The following DLG2 variants were observed in gnomAD, a reference collection of about 807,000 sequenced individuals.
DLG2 encodes discs large MAGUK scaffold protein 2.
DLG2 carries 45 observed loss-of-function variants against 132.5 expected under a neutral mutation model. That is an observed-to-expected ratio of 0.34 (90% confidence interval 0.27 to 0.44). The LOEUF (loss-of-function observed/expected upper bound fraction) is 0.44, where lower values mean the gene tolerates loss of function less well. Among genes scored for constraint, DLG2 ranks in the 20% least tolerant of loss-of-function variants. The probability of loss-of-function intolerance (pLI) is 1.00; values close to 1 mark genes in which losing one functional copy is unlikely to be tolerated. For synonymous variants in DLG2, 424 were observed against 419.6 expected, an observed-to-expected ratio of 1.01 and a Z score of -0.13; for missense variants, 1,045 against 1,196.9, an observed-to-expected ratio of 0.87 and a Z score of 1.87.
intron 18 of DLG2, among the ~76,000 whole-genome samples, chr11:83,744,466 T>C (rs2092762102): frequency 6.6e-6 from 1 of 152,208 alleles, no homozygotes; most frequent in Non-Finnish European, 1.5e-5. Context: ...TTTTGGCAAA[T>C]CTGTGAACTC....
At chr11:85,185,659 T>A (rs1475725082) in intron 4 of DLG2, among the ~76,000 whole-genome samples, 1 of 151,808 alleles carries the variant, frequency 6.6e-6, no homozygotes, top group Admixed American at 6.6e-5. Context: ...AACTTTCCAC[T>A]GTCTACCCAT....
chr11:84,546,864 T>C, intron 6 of DLG2: 1 of 182,682 alleles, frequency 5.5e-6, no homozygotes, highest in Non-Finnish European at 1.2e-5. Context: ...GAAGATAGAC[T>C]TTAGTGATGA....
chr11:84,175,975 T>A (rs2095952397), intron 8 of DLG2, among the ~76,000 whole-genome samples: 1 of 152,138 alleles, frequency 6.6e-6, no homozygotes, highest in Admixed American at 6.6e-5. Context: ...AGGTTTAAAG[T>A]TGTTTATATC....
chr11:84,359,531 G>C (rs2098637542), intron 7 of DLG2, among the ~76,000 whole-genome samples: 1 of 151,852 alleles, frequency 6.6e-6, no homozygotes, highest in Non-Finnish European at 1.5e-5. Flanking sequence ...CTGGAATTTA[G>C]TTTTTCCAAG....
rs531256874 is a variant in DLG2, at chr11:84,818,421, C to T, written c.358-283690G>A. Among the ~76,000 whole-genome samples the T allele has an allele frequency of 7.9e-5, 12 of 151,906 alleles. No homozygotes were observed. In the South Asian group the frequency reaches 1.9e-3, roughly 24 times the overall value. ...TTCTCTCTTCTTCCCATAACTTTCCCATTTATTATTTATAAGCCTTAGGCT... is the reference window on the plus strand; with the variant it reads ...TTCTCTCTTCTTCCCATAACTTTCCTATTTATTATTTATAAGCCTTAGGCT... On this transcript the variant is annotated intron_variant, in intron 6 of 27. Transcript: ENST00000376104.
chr11:84,612,405 T>C (rs1307328749), intron 6 of DLG2, among the ~76,000 whole-genome samples: 1 of 152,168 alleles, frequency 6.6e-6, no homozygotes, highest in African/African-American at 2.4e-5. Flanking sequence ...GAAGTCGTCA[T>C]TGACTTATGT....
intron 14 of DLG2, among the ~76,000 whole-genome samples, chr11:83,953,087 T>TA (rs1173237059): frequency 1.3e-5 from 2 of 152,152 alleles, no homozygotes; most frequent in Non-Finnish European, 2.9e-5. Context: ...TACCTAGAAG[T>TA]AAAAAATGAA....
chr11:84,454,309 A>C (rs758358741), intron 7 of DLG2, among the ~76,000 whole-genome samples: 1 of 151,538 alleles, frequency 6.6e-6, no homozygotes, highest in Admixed American at 6.6e-5. Context: ...AGAAATAGAT[A>C]TATTCTTACT....
intron 19 of DLG2, among the ~76,000 whole-genome samples, chr11:83,594,619 G>C (rs1044727255): frequency 6.6e-6 from 1 of 152,290 alleles, no homozygotes; most frequent in East Asian, 1.9e-4. Context: ...AATAGAGGTT[G>C]TTGAAGAGAA....
intron 6 of DLG2, among the ~76,000 whole-genome samples, chr11:84,642,038 A>G (rs1323148411): frequency 2.7e-5 from 4 of 148,414 alleles, no homozygotes; most frequent in East Asian, 2.0e-4. Context: ...ACACACATGC[A>G]TACGTATATA....
intron 6 of DLG2, among the ~76,000 whole-genome samples, chr11:84,798,321 T>C: frequency 6.6e-6 from 1 of 152,006 alleles, no homozygotes; most frequent in African/African-American, 2.4e-5. Context: ...GGGACTGAAG[T>C]AAAAAAAACC....
intron 17 of DLG2, among the ~76,000 whole-genome samples, chr11:83,823,250 G>A (rs938592297): frequency 2.6e-5 from 4 of 152,074 alleles, no homozygotes; most frequent in Admixed American, 2.0e-4. Context: ...CTCTTTGCAC[G>A]ATTTCCCCTT....
intron 6 of DLG2, among the ~76,000 whole-genome samples, chr11:84,769,672 A>G (rs1005375733): frequency 6.6e-6 from 1 of 152,184 alleles, no homozygotes; most frequent in African/African-American, 2.4e-5. Flanking sequence ...ACCAAGGCAT[A>G]CAGTCATCAG....
intron 3 of DLG2, among the ~76,000 whole-genome samples, chr11:85,563,856 A>G (rs2077389341): frequency 6.6e-6 from 1 of 152,118 alleles, no homozygotes; most frequent in Non-Finnish European, 1.5e-5. Context: ...GGTAGGTTAA[A>G]ATAATAAGTT....
intron 21 of DLG2, among the ~76,000 whole-genome samples, chr11:83,492,759 C>T (rs1402848602): frequency 6.6e-6 from 1 of 152,064 alleles, no homozygotes; most frequent in African/African-American, 2.4e-5. Flanking sequence ...CTTTAAAATA[C>T]ACCCATAATC....
At chr11:84,236,498 C>A (rs1278962058) in intron 8 of DLG2, among the ~76,000 whole-genome samples, 3 of 152,212 alleles carry the variant, frequency 2.0e-5, no homozygotes, top group African/African-American at 7.2e-5. Context: ...GCCCTTAGGC[C>A]AAACTGCTAA....
chr11:84,621,889 T>C (rs535211870), intron 6 of DLG2, among the ~76,000 whole-genome samples: 3 of 152,248 alleles, frequency 2.0e-5, no homozygotes, highest in East Asian at 1.9e-4. Context: ...TGTCAGCACA[T>C]TGGGCTGGAA....
chr11:85,074,737 A>G (rs2066302193), intron 6 of DLG2, among the ~76,000 whole-genome samples: 1 of 151,882 alleles, frequency 6.6e-6, no homozygotes, highest in South Asian at 2.1e-4. Context: ...AGGCACTGGC[A>G]TATGTTTCCC....
chr11:84,268,378 G>A (rs1227776900), intron 7 of DLG2, among the ~76,000 whole-genome samples: 4 of 151,624 alleles, frequency 2.6e-5, no homozygotes, highest in South Asian at 4.1e-4. Flanking sequence ...TAAGAATAAC[G>A]CTCTCTGAGG....
Sources: gnomAD v4.1 joint callset for allele counts (sites outside exome capture counted in the v4.1 genomes callset) on GRCh38, gnomAD v4.1.1 for gene constraint, MANE v1.5 for transcripts, NCBI Gene and HGNC (gene_info 2026-07-23, HGNC 2026-07-21) for gene names.